C4orf51: variants seen among roughly 807,000 people sequenced by gnomAD.
C4orf51 encodes the protein uncharacterized protein C4orf51.
C4orf51 carries 25 observed loss-of-function variants against 25.2 expected under a neutral mutation model. The ratio of observed to expected loss-of-function variants is 0.99; its 90% CI spans 0.72 to 1.39. The LOEUF is 1.39. C4orf51 is among the 40% of genes most tolerant of loss of function. C4orf51 has a pLI of 0.00. For missense variants in C4orf51, 252 were observed against 239.6 expected (o/e 1.05, Z -0.34); for synonymous variants, 100 against 84.5 (o/e 1.18, Z -1.01).
chr4:145,723,199 T>TA (rs1731840746), intron 2 of C4orf51, among the ~76,000 whole-genome samples: 1 of 152,094 alleles, frequency 6.6e-6, no homozygotes, highest in South Asian at 2.1e-4. Flanking sequence ...TAAAGACACT[T>TA]ATACTGGCCA....
At chr4:145,706,992 T>A (rs984223991) in intron 2 of C4orf51, among the ~76,000 whole-genome samples, 5 of 152,104 alleles carry the variant, frequency 3.3e-5, no homozygotes, top group African/African-American at 7.2e-5. Context: ...ATTTTTGGAT[T>A]TTTAATAGAG....
downstream of C4orf51, among the ~76,000 whole-genome samples, chr4:145,775,531 G>A (rs182386841): frequency 2.7e-4 from 41 of 151,944 alleles, 1 homozygote; most frequent in East Asian, 3.9e-3. Flanking sequence ...CCCAGAGCCC[G>A]TCTCTGTCTG....
chr4:145,760,867 C>G, intron 1 of C4orf51: 1 of 1,222,060 alleles, frequency 8.2e-7, no homozygotes. Context: ...AGTCTGAGGT[C>G]GGGGAGGGTG....
chr4:145,691,100 G>A (rs1258192524), intron 1 of C4orf51, among the ~76,000 whole-genome samples: 2 of 151,942 alleles, frequency 1.3e-5, no homozygotes, highest in African/African-American at 4.8e-5. Context: ...GTGACAGAGT[G>A]AGACCTTGTC....
chr4:145,701,950 G>A (rs1017616928), intron 2 of C4orf51, among the ~76,000 whole-genome samples: 19 of 151,890 alleles, frequency 1.3e-4, no homozygotes, highest in East Asian at 7.7e-4. Context: ...CCTCCTTCGC[G>A]TCTTCCTCTC....
chr4:145,741,577 C>T (rs540917643), intron 1 of C4orf51, among the ~76,000 whole-genome samples: 1 of 152,302 alleles, frequency 6.6e-6, no homozygotes, highest in East Asian at 1.9e-4. Context: ...CTAGTTTACT[C>T]TTCTTCAAAG....
chr4:145,730,467 G>T (rs1476870948), intron 5 of C4orf51, among the ~76,000 whole-genome samples: 2 of 152,036 alleles, frequency 1.3e-5, no homozygotes, highest in African/African-American at 4.8e-5. Context: ...TCAAACCCCA[G>T]GGCTTTTAAA....
intron 2 of C4orf51, among the ~76,000 whole-genome samples, chr4:145,716,755 G>T (rs1038796069): frequency 6.6e-6 from 1 of 152,156 alleles, no homozygotes; most frequent in Non-Finnish European, 1.5e-5. Flanking sequence ...AAAGGTTTTT[G>T]ATGGTTGCCT....
At chr4:145,727,895 GTATATATATATA>G (rs35521926) in intron 3 of C4orf51, among the ~76,000 whole-genome samples, 1 of 101,638 alleles carries the variant, frequency 9.8e-6, no homozygotes, top group Non-Finnish European at 1.8e-5. Flanking sequence ...AAAAAAATGT[GTATATATATATA>G]TATATATATA....
At chr4:145,774,710 AGG>A, downstream of C4orf51, 3 of 1,597,444 alleles carry the variant, frequency 1.9e-6, no homozygotes, top group Non-Finnish European at 2.6e-6. Context: ...GGGAGAGAAA[AGG>A]GTGACACATA....
downstream of C4orf51, among the ~76,000 whole-genome samples, chr4:145,735,397 A>G (rs181971708): frequency 4.0e-4 from 61 of 152,294 alleles, no homozygotes; most frequent in Non-Finnish European, 7.4e-4. Context: ...GAGCATAGTA[A>G]TGGGATGAGG....
Position 145,680,299 on chromosome 4 carries a change from A to G in C4orf51, c.96A>G (p.Ala32=). The change falls in exon 1 of 6, where the codon GCA becomes GCG. Residue 32 remains alanine, a synonymous_variant. Coordinates refer to ENST00000438731, the MANE Select transcript of C4orf51 (RefSeq NM_001080531.3). ...ATCTGATCAGACGCAAGGCTGGAGC[A>G]TCTTGGCAGGATGAAACACGATGGT... ...EFDLIRRKAG[A]SWQDETRWSD... 6.2e-7 allele frequency: 1 copy of G among 1,614,036 alleles called. No homozygotes were observed. Among genetic ancestry groups the G allele is most frequent in the Non-Finnish European group, 8.5e-7 (1 of 1,179,880 alleles).
chr4:145,696,438 T>C (rs13104422), intron 1 of C4orf51, 121 bp from the exon 2 acceptor site: 440,686 of 797,456 alleles, frequency 0.55, 123,528 homozygotes, highest in Admixed American at 0.68. Flanking sequence ...TCACATGTAC[T>C]CCCAAACCTA....
At chr4:145,687,009 G>C (rs1012322481) in intron 1 of C4orf51, among the ~76,000 whole-genome samples, 22 of 147,824 alleles carry the variant, frequency 1.5e-4, no homozygotes, top group Non-Finnish European at 2.2e-4. Flanking sequence ...TTGTGGGGGG[G>C]GCGGTTTCCT....
Position 145,689,787 on chromosome 4 carries a change from A to G in C4orf51, c.234-6772A>G, listed in dbSNP as rs543319379. ...GGAGAAAGGACATACTATTCATTAAATGGTGCTGGGAAAACTGGCTAACCA... is the reference window on the plus strand; with the variant it reads ...GGAGAAAGGACATACTATTCATTAAGTGGTGCTGGGAAAACTGGCTAACCA... On this transcript the variant is annotated intron_variant, in intron 1 of 5. Coordinates refer to ENST00000438731, the MANE Select transcript of C4orf51 (RefSeq NM_001080531.3). Among the ~76,000 whole-genome samples the G allele has an allele frequency of 7.9e-5, 12 of 152,364 alleles. No individual in the cohort carries two copies. In the South Asian group the frequency reaches 2.5e-3, roughly 32 times the overall value.
the C4orf51 span, among the ~76,000 whole-genome samples, chr4:145,783,997 G>A: frequency 4.6e-5 from 7 of 152,084 alleles, no homozygotes; most frequent in Admixed American, 3.3e-4. Context: ...GAGTTCTCAC[G>A]AGATCTGGTT....
At chr4:145,690,071 G>T (rs2126668098) in intron 1 of C4orf51, among the ~76,000 whole-genome samples, 2 of 152,094 alleles carry the variant, frequency 1.3e-5, no homozygotes, top group South Asian at 4.2e-4. Context: ...GCTGGGCGTG[G>T]TAACAGGCAC....
chr4:145,716,794 TAGTAAA>T (rs1731440601), intron 2 of C4orf51, among the ~76,000 whole-genome samples: 1 of 152,232 alleles, frequency 6.6e-6, no homozygotes, highest in Non-Finnish European at 1.5e-5. Context: ...TTAGCTTTCC[TAGTAAA>T]ATTTGACTTT....
chr4:145,719,372 G>A (rs1057105537), intron 2 of C4orf51, among the ~76,000 whole-genome samples: 1 of 152,106 alleles, frequency 6.6e-6, no homozygotes, highest in Non-Finnish European at 1.5e-5. Context: ...TTGGGAGGCC[G>A]AGGCAGGCGG....
Sources: allele counts gnomAD v4.1 joint callset (sites outside exome capture counted in the v4.1 genomes callset), GRCh38; gene constraint gnomAD v4.1.1; transcripts MANE v1.5; gene names NCBI Gene and HGNC (gene_info 2026-07-23, HGNC 2026-07-21).